Variants in IQSEC1 observed in about 807,000 individuals in gnomAD.
IQSEC1 encodes IQ motif and Sec7 domain ArfGEF 1, also known as IQ motif and SEC7 domain-containing protein 1.
IQSEC1 carries 31 observed loss-of-function variants against 91.0 expected under a neutral mutation model. The ratio of observed to expected loss-of-function variants is 0.34; its 90% CI spans 0.26 to 0.46. The LOEUF is 0.46. Among genes scored for constraint, IQSEC1 ranks in the 20% least tolerant of loss-of-function variants. The probability of loss-of-function intolerance (pLI) is 1.00; values close to 1 mark genes in which losing one functional copy is unlikely to be tolerated. For synonymous variants in IQSEC1, 699 were observed against 662.6 expected (o/e 1.05, Z -0.84); for missense variants, 1,388 against 1,575.6 (o/e 0.88, Z 2.02).
intron 1 of IQSEC1, among the ~76,000 whole-genome samples, chr3:13,009,096 T>C (rs1702760190): frequency 3.3e-5 from 5 of 152,222 alleles, no homozygotes; most frequent in Admixed American, 3.3e-4. Flanking sequence ...GAAGGAATCC[T>C]GACAGCCTGT....
chr3:12,911,599 C>T lies in IQSEC1; in HGVS notation c.2416+30G>A, dbSNP rs1340997534. 3.9e-6 allele frequency: 6 copies of T among 1,533,134 alleles called. No homozygotes were observed. The South Asian group carries it at 6.7e-5, about 17-fold the overall frequency. The allele number at this position is 1,533,134 out of a possible 1,614,324, so 95.0% of individuals were successfully genotyped here. On this transcript the variant is annotated intron_variant, in intron 10 of 13. Transcript: ENST00000613206. Reference sequence around the variant, plus strand: ...AAGAGCGTAAGCTGGGACATGCGCTCTTCCAGGCAGGCCCTGGGGGCAGAC... The same window carrying T: ...AAGAGCGTAAGCTGGGACATGCGCTTTTCCAGGCAGGCCCTGGGGGCAGAC...
intron 1 of IQSEC1, among the ~76,000 whole-genome samples, chr3:13,003,334 T>C (rs1702507022): frequency 2.8e-5 from 4 of 140,436 alleles, no homozygotes; most frequent in Middle Eastern, 8.1e-3. Flanking sequence ...TTCTATAACA[T>C]GGATGAACCT....
intron 2 of IQSEC1, among the ~76,000 whole-genome samples, chr3:13,113,394 G>A (rs149865057): frequency 2.2e-3 from 331 of 152,306 alleles, no homozygotes; most frequent in African/African-American, 7.4e-3. Flanking sequence ...TGACCTCTCT[G>A]GGCCTCAGCC....
At position 12,994,469 on chromosome 3, in the gene IQSEC1, G is replaced by T. The variant is rs914915434; in HGVS notation, c.24-52604C>A. Among the ~76,000 whole-genome samples the T allele has an allele frequency of 1.3e-5, 2 of 152,116 alleles. No individual in the cohort carries two copies. Among genetic ancestry groups the T allele is most frequent in the Non-Finnish European group, 1.5e-5 (1 of 68,006 alleles). On this transcript the variant is annotated intron_variant, in intron 1 of 13. Coordinates refer to ENST00000613206, the MANE Select transcript of IQSEC1 (RefSeq NM_001134382.3). The surrounding 1 kb of genome is among the most constrained non-coding windows in gnomAD (Gnocchi z 4.5). ...GCAGCGGATGGGTCAGGAGAGCGGG[G>T]TACGCGGGGTCCAGGCGCGGAACCG...
At chr3:13,092,402 C>T (rs17832686) in intron 2 of IQSEC1, among the ~76,000 whole-genome samples, 10,013 of 152,188 alleles carry the variant, frequency 0.066, 415 homozygotes, top group Middle Eastern at 0.19. Context: ...CGGCTGACCA[C>T]GGACGTCCCA....
intron 1 of IQSEC1, among the ~76,000 whole-genome samples, chr3:13,204,694 T>G (rs1050241717): frequency 3.3e-5 from 5 of 152,220 alleles, no homozygotes; most frequent in Admixed American, 2.0e-4. Context: ...GTCCCTGTCC[T>G]GCGCGTTCGT....
intron 2 of IQSEC1, among the ~76,000 whole-genome samples, chr3:13,151,261 G>A (rs1181660117): frequency 1.3e-5 from 2 of 152,090 alleles, no homozygotes; most frequent in Admixed American, 1.3e-4. Flanking sequence ...CGATGCTATC[G>A]GGAGCCCCTG....
chr3:13,237,068 G>A (rs1694943059), intron 1 of IQSEC1, among the ~76,000 whole-genome samples: 3 of 152,344 alleles, frequency 2.0e-5, no homozygotes, highest in African/African-American at 7.2e-5. Flanking sequence ...CCAAGGCAGG[G>A]CTGCACTGGA....
upstream of IQSEC1, among the ~76,000 whole-genome samples, chr3:13,075,790 G>A (rs542746466): frequency 3.3e-5 from 5 of 152,264 alleles, no homozygotes; most frequent in South Asian, 2.1e-4. Flanking sequence ...AATATCCAGC[G>A]CCGGACCAGG....
chr3:13,220,985 G>A (rs1309665109), intron 1 of IQSEC1, among the ~76,000 whole-genome samples: 3 of 152,244 alleles, frequency 2.0e-5, no homozygotes, highest in Admixed American at 2.0e-4. Context: ...TCCATGGTTG[G>A]GGAAACGACA....
chr3:12,929,510 C>A (rs958337089), intron 3 of IQSEC1, among the ~76,000 whole-genome samples: 2 of 152,168 alleles, frequency 1.3e-5, no homozygotes, highest in Non-Finnish European at 2.9e-5. Context: ...ACAGAAGGGT[C>A]AAAAAACTGG....
chr3:13,179,077 A>G (rs1693788651), intron 1 of IQSEC1, among the ~76,000 whole-genome samples: 1 of 152,184 alleles, frequency 6.6e-6, no homozygotes, highest in Non-Finnish European at 1.5e-5. Context: ...CCTGCTACAT[A>G]AACCCCTAGT....
chr3:12,934,858 C>T (rs1698024210), intron 3 of IQSEC1, among the ~76,000 whole-genome samples: 1 of 152,102 alleles, frequency 6.6e-6, no homozygotes, highest in Non-Finnish European at 1.5e-5. Context: ...CCCCAAGACC[C>T]CCAGACACAG....
rs527420358 is a variant in IQSEC1, at chr3:13,162,538, T to C, written c.302+1566A>G. On this transcript the variant is annotated intron_variant, in intron 2 of 15. Transcript: ENST00000648114. ...TTCCTAGGTCTGCCCTGAGGAAGCA[T>C]ACAGGCACTGGAGGCCCTGCCCCTT... is the stretch of plus-strand genomic sequence containing the variant. Among the ~76,000 whole-genome samples, 8 of 152,308 alleles carry C rather than the reference T, an allele frequency of 5.3e-5. No individual in the cohort carries two copies. The South Asian group carries it at 1.4e-3, about 28-fold the overall frequency.
chr3:13,179,939 T>C (rs1693807859), intron 1 of IQSEC1, among the ~76,000 whole-genome samples: 1 of 152,224 alleles, frequency 6.6e-6, no homozygotes, highest in Non-Finnish European at 1.5e-5. Context: ...GGGCCTTAGC[T>C]GCCTTCCCGT....
chr3:13,005,708 G>T (rs1702607168), intron 1 of IQSEC1, among the ~76,000 whole-genome samples: 1 of 152,234 alleles, frequency 6.6e-6, no homozygotes, highest in Non-Finnish European at 1.5e-5. Context: ...ACCTATAGCT[G>T]GTGGCTACTG....
chr3:13,263,758 T>A (rs894568607), intron 1 of IQSEC1, among the ~76,000 whole-genome samples: 1 of 151,904 alleles, frequency 6.6e-6, no homozygotes, highest in Non-Finnish European at 1.5e-5. Flanking sequence ...CTTTTTTTTT[T>A]AAAGTAGGTA....
At chr3:13,031,687 T>C (rs1559731115) in intron 1 of IQSEC1, among the ~76,000 whole-genome samples, 1 of 151,758 alleles carries the variant, frequency 6.6e-6, no homozygotes, top group Non-Finnish European at 1.5e-5. Flanking sequence ...AGACAGGGGA[T>C]GCAGGACAAA....
At chr3:13,165,535 G>GGTGTGTGTGTGTGT (rs1470204790) in intron 1 of IQSEC1, among the ~76,000 whole-genome samples, 13 of 89,036 alleles carry the variant, frequency 1.5e-4, no homozygotes, top group African/African-American at 3.7e-4. Flanking sequence ...GTGGGGGGGT[G>GGTGTGTGTGTGTGT]GCGTGTGTGT....
Sources: gnomAD v4.1 joint callset for allele counts (sites outside exome capture counted in the v4.1 genomes callset) on GRCh38, gnomAD v4.1.1 for gene constraint, Gnocchi (gnomAD v3.1) non-coding constraint, MANE v1.5 for transcripts, NCBI Gene and HGNC (gene_info 2026-07-23, HGNC 2026-07-21) for gene names.